STK3: variants seen among roughly 807,000 people sequenced by gnomAD.
STK3 encodes serine/threonine-protein kinase 3.
Under a neutral mutation model 58.0 loss-of-function variants are expected in STK3, and 41 were observed. The observed-to-expected ratio is 0.71, with a 90% CI of 0.55 to 0.92. STK3 has a LOEUF of 0.92. Ranked by LOEUF, STK3 falls within the 40% of genes least tolerant of loss-of-function variation. The pLI is 0.00. For synonymous variants in STK3, 170 were observed against 191.0 expected, an observed-to-expected ratio of 0.89 and a Z score of 0.91; for missense variants, 479 against 602.7, an observed-to-expected ratio of 0.79 and a Z score of 2.15.
intron 3 of STK3, among the ~76,000 whole-genome samples, chr8:98,408,757 C>T (rs773846089): frequency 2.6e-5 from 4 of 152,192 alleles, no homozygotes; most frequent in African/African-American, 9.7e-5. Flanking sequence ...TGTGGGTTCC[C>T]GTTCTGCTTA....
chr8:98,718,047 G>A (rs188961595), intron 4 of STK3, among the ~76,000 whole-genome samples: 238 of 152,290 alleles, frequency 1.6e-3, no homozygotes, highest in Non-Finnish European at 2.8e-3. Context: ...GCCAGGGGCC[G>A]AGGTAGCACA....
At chr8:98,541,269 A>G (rs1221637340) in intron 9 of STK3, among the ~76,000 whole-genome samples, 1 of 152,110 alleles carries the variant, frequency 6.6e-6, no homozygotes, top group East Asian at 1.9e-4. Flanking sequence ...TGATTGGATC[A>G]CGGGGGTAGT....
chr8:98,426,263 A>G (rs1818231085), intron 3 of STK3, among the ~76,000 whole-genome samples: 1 of 152,090 alleles, frequency 6.6e-6, no homozygotes, highest in South Asian at 2.1e-4. Flanking sequence ...CATGCCACAC[A>G]CTGCGCTGAC....
intron 1 of STK3, chr8:98,437,544 CTT>C (rs1414394610): frequency 6.6e-6 from 1 of 152,186 alleles, no homozygotes; most frequent in Non-Finnish European, 1.5e-5. Flanking sequence ...ACTTAAAACT[CTT>C]TTTGTCGCCT....
chr8:98,458,624 C>T (rs1819690921), intron 10 of STK3, among the ~76,000 whole-genome samples: 3 of 151,956 alleles, frequency 2.0e-5, no homozygotes, highest in African/African-American at 2.4e-5. Flanking sequence ...CCTCATAATC[C>T]CCATGTGTCT....
At chr8:98,502,111 G>A (rs1823653924) in intron 10 of STK3, among the ~76,000 whole-genome samples, 1 of 152,090 alleles carries the variant, frequency 6.6e-6, no homozygotes, top group African/African-American at 2.4e-5. Flanking sequence ...TCCTTGAAAA[G>A]GTCCTTCATA....
upstream of STK3, among the ~76,000 whole-genome samples, chr8:98,829,747 G>A (rs923707098): frequency 1.3e-5 from 2 of 152,214 alleles, no homozygotes; most frequent in African/African-American, 4.8e-5. Context: ...AAGTATGCCA[G>A]GCACTGTTCT....
intron 4 of STK3, among the ~76,000 whole-genome samples, chr8:98,719,112 T>C (rs1827227245): frequency 6.6e-6 from 1 of 151,906 alleles, no homozygotes; most frequent in African/African-American, 2.4e-5. Context: ...GAGTGGGAGG[T>C]AGGAGTGTGT....
At chr8:98,632,969 A>G (rs569536452) in intron 6 of STK3, among the ~76,000 whole-genome samples, 340 of 152,368 alleles carry the variant, frequency 2.2e-3, no homozygotes, top group African/African-American at 7.8e-3. Context: ...TTAATCATTT[A>G]TTTAATAATT....
intron 10 of STK3, among the ~76,000 whole-genome samples, chr8:98,521,190 G>T (rs1825333472): frequency 6.6e-6 from 1 of 152,088 alleles, no homozygotes; most frequent in African/African-American, 2.4e-5. Context: ...CGTCCCTCCT[G>T]CAATTCCCTT....
At chr8:98,584,360 G>C (rs1011959496) in intron 7 of STK3, among the ~76,000 whole-genome samples, 3 of 147,254 alleles carry the variant, frequency 2.0e-5, no homozygotes, top group African/African-American at 7.5e-5. Flanking sequence ...TTGGTTTTTT[G>C]TTCTTGCGAT....
chr8:98,740,948 G>C (rs1420376278), intron 4 of STK3, among the ~76,000 whole-genome samples: 1 of 152,124 alleles, frequency 6.6e-6, no homozygotes, highest in East Asian at 1.9e-4. Context: ...TGCAATCCTA[G>C]TCTCTGATAA....
chr8:98,792,219 C>T (rs1832850255), intron 1 of STK3, among the ~76,000 whole-genome samples: 1 of 152,170 alleles, frequency 6.6e-6, no homozygotes, highest in Non-Finnish European at 1.5e-5. Context: ...CTCAACATCA[C>T]TAATAGATCA....
At chr8:98,545,595 A>G (rs1415446604) in intron 9 of STK3, among the ~76,000 whole-genome samples, 3 of 152,184 alleles carry the variant, frequency 2.0e-5, no homozygotes, top group Non-Finnish European at 4.4e-5. Flanking sequence ...TCATGGTTAA[A>G]GGTATAAAAG....
intron 10 of STK3, among the ~76,000 whole-genome samples, chr8:98,480,187 T>C (rs1821737242): frequency 6.6e-6 from 1 of 152,054 alleles, no homozygotes; most frequent in Non-Finnish European, 1.5e-5. Context: ...GATAAATTTA[T>C]AAATTCAAGA....
intron 3 of STK3, among the ~76,000 whole-genome samples, chr8:98,422,976 C>T (rs1441128162): frequency 4.6e-5 from 7 of 152,280 alleles, no homozygotes; most frequent in South Asian, 2.1e-4. Context: ...CCAGGTGATT[C>T]GAATATGCAG....
intron 1 of STK3, among the ~76,000 whole-genome samples, chr8:98,932,762 G>C (rs559196859): frequency 6.6e-6 from 1 of 152,204 alleles, no homozygotes; most frequent in Non-Finnish European, 1.5e-5. Context: ...ACTTCGAAAA[G>C]TTAGGCCCTG....
intron 1 of STK3, among the ~76,000 whole-genome samples, chr8:98,443,669 G>A (rs1036426423): frequency 4.6e-5 from 7 of 152,172 alleles, no homozygotes; most frequent in South Asian, 2.1e-4. Flanking sequence ...GCAATATGGC[G>A]AAACACTGTC....
chr8:98,714,059 G>C lies in STK3; in HGVS notation c.352-6748C>G, dbSNP rs191070265. ...TGATTATCTCAATAGATGCAGAAAA[G>C]GCCTTTGACAAAATTCAACAACCTA... is the stretch of plus-strand genomic sequence containing the variant. On this transcript the variant is annotated intron_variant, in intron 4 of 10. Transcript: ENST00000419617. Among the ~76,000 whole-genome samples, 515 of 152,150 alleles carry C rather than the reference G, an allele frequency of 3.4e-3. 1 individual carries two copies. The highest frequency in any genetic ancestry group is 0.012 in the African/African-American group (489 of 41,484).
Sources: allele counts gnomAD v4.1 joint callset (sites outside exome capture counted in the v4.1 genomes callset), GRCh38; gene constraint gnomAD v4.1.1; transcripts MANE v1.5; gene names NCBI Gene and HGNC (gene_info 2026-07-23, HGNC 2026-07-21).